Variants in C1orf87 observed in about 807,000 individuals in gnomAD.
The protein encoded by C1orf87 is chromosome 1 open reading frame 87.
Under a neutral mutation model 60.5 loss-of-function variants are expected in C1orf87, and 58 were observed. That is an observed-to-expected ratio of 0.96 (90% CI 0.78 to 1.19). The LOEUF (loss-of-function observed/expected upper bound fraction) is 1.19, where lower values mean the gene tolerates loss of function less well. C1orf87 is among the 50% of genes most tolerant of loss of function. The pLI, the probability that C1orf87 is intolerant of heterozygous loss-of-function variation, is 0.00. For missense variants in C1orf87, 673 were observed against 638.6 expected, an observed-to-expected ratio of 1.05 and a Z score of -0.58; for synonymous variants, 236 against 227.4, an observed-to-expected ratio of 1.04 and a Z score of -0.34.
intron 9 of C1orf87, among the ~76,000 whole-genome samples, chr1:60,008,001 T>G (rs1645058137): frequency 6.6e-6 from 1 of 151,884 alleles, no homozygotes; most frequent in East Asian, 1.9e-4. Flanking sequence ...CCTGTGGAGC[T>G]AAAGAATAGA....
chr1:59,993,286 G>C (rs12086504), intron 11 of C1orf87, among the ~76,000 whole-genome samples: 2 of 151,450 alleles, frequency 1.3e-5, no homozygotes, highest in African/African-American at 4.9e-5. Context: ...GAAAGAAAGA[G>C]GGAAAGAAGG....
intron 9 of C1orf87, among the ~76,000 whole-genome samples, chr1:60,005,009 T>G (rs1256399775): frequency 2.0e-5 from 3 of 152,028 alleles, no homozygotes; most frequent in African/African-American, 7.2e-5. Context: ...AACTCAGTAC[T>G]TTTTAAAAAA....
intron 3 of C1orf87, among the ~76,000 whole-genome samples, chr1:60,054,275 C>G (rs1199748038): frequency 6.6e-6 from 1 of 152,154 alleles, no homozygotes; most frequent in African/African-American, 2.4e-5. Context: ...TTCAACTAGA[C>G]CTTGCAGAGT....
chr1:60,051,690 G>C (rs1381405746), intron 3 of C1orf87, among the ~76,000 whole-genome samples: 3 of 152,198 alleles, frequency 2.0e-5, no homozygotes, highest in African/African-American at 7.2e-5. Flanking sequence ...AATACAGAGA[G>C]AGAGCTTTAA....
intron 9 of C1orf87, among the ~76,000 whole-genome samples, chr1:60,005,280 C>A (rs1254247798): frequency 6.6e-6 from 1 of 152,042 alleles, no homozygotes; most frequent in Admixed American, 6.6e-5. Context: ...AGGGTTACGT[C>A]TGTGGCTTGA....
chr1:59,993,357 A>C (rs554763688), intron 11 of C1orf87, among the ~76,000 whole-genome samples: 2 of 152,314 alleles, frequency 1.3e-5, no homozygotes, highest in Admixed American at 1.3e-4. Flanking sequence ...TTCACACAGT[A>C]TCCAGTACTA....
intron 8 of C1orf87, among the ~76,000 whole-genome samples, chr1:60,012,448 T>C (rs1645093190): frequency 1.3e-5 from 2 of 152,138 alleles, no homozygotes; most frequent in South Asian, 4.1e-4. Context: ...AGGACTTACA[T>C]GACCAATACA....
intron 8 of C1orf87, among the ~76,000 whole-genome samples, chr1:60,011,982 G>C (rs1298107769): frequency 6.6e-6 from 1 of 151,934 alleles, no homozygotes; most frequent in Non-Finnish European, 1.5e-5. Context: ...GGTCTAGGCA[G>C]GTAAGAGAAA....
At chr1:60,072,281 C>T (rs763295290) in intron 2 of C1orf87, among the ~76,000 whole-genome samples, 10 of 152,180 alleles carry the variant, frequency 6.6e-5, no homozygotes, top group Middle Eastern at 3.4e-3. Context: ...TTATAAATGT[C>T]GCAATGCTCA....
chr1:59,990,863 T>C (rs1293758796), intron 11 of C1orf87, 30 bp from the exon 12 acceptor site: 1 of 1,607,364 alleles, frequency 6.2e-7, no homozygotes, highest in African/African-American at 1.3e-5. Flanking sequence ...GAGGAAGGTT[T>C]TTTAAAGAGG....
At chr1:60,071,750 T>C (rs1177121538) in intron 2 of C1orf87, among the ~76,000 whole-genome samples, 1 of 152,210 alleles carries the variant, frequency 6.6e-6, no homozygotes, top group African/African-American at 2.4e-5. Context: ...TTAGCAAAAA[T>C]TTCTTCTTGC....
chr1:60,032,455 T>TTTTA, intron 7 of C1orf87, among the ~76,000 whole-genome samples: 2 of 148,512 alleles, frequency 1.3e-5, no homozygotes, highest in African/African-American at 2.5e-5. Context: ...TTTTTTTTTT[T>TTTTA]GAGACTGAGT....
intron 2 of C1orf87, among the ~76,000 whole-genome samples, chr1:60,068,027 GGTTGTA>G (rs1553130292): frequency 2.0e-5 from 3 of 152,078 alleles, no homozygotes; most frequent in Non-Finnish European, 4.4e-5. Flanking sequence ...AAGATTGGAT[GGTTGTA>G]GATGTGTGGT....
chr1:60,029,374 T>C (rs987009732), intron 7 of C1orf87, among the ~76,000 whole-genome samples: 1 of 152,196 alleles, frequency 6.6e-6, no homozygotes, highest in Non-Finnish European at 1.5e-5. Flanking sequence ...ATTCTCCAAA[T>C]TCGATTGGAA....
At chr1:59,992,630 C>T (rs756523205) in intron 11 of C1orf87, among the ~76,000 whole-genome samples, 1 of 152,114 alleles carries the variant, frequency 6.6e-6, no homozygotes, top group Non-Finnish European at 1.5e-5. Flanking sequence ...AGAGGCAGTG[C>T]CTTGTCATTT....
intron 9 of C1orf87, among the ~76,000 whole-genome samples, chr1:60,005,770 C>CGTGTGTGTGT (rs139222813): frequency 2.1e-3 from 299 of 144,008 alleles, no homozygotes; most frequent in African/African-American, 7.4e-3. Flanking sequence ...GAAGCTGATT[C>CGTGTGTGTGT]GTGTGTGTGT....
At chr1:60,050,394 C>A (rs1162547328) in intron 3 of C1orf87, among the ~76,000 whole-genome samples, 1 of 151,662 alleles carries the variant, frequency 6.6e-6, no homozygotes, top group Non-Finnish European at 1.5e-5. Flanking sequence ...TAATTTACTT[C>A]TACATTTATT....
chr1:60,050,130 G>A (rs555535102), intron 3 of C1orf87, among the ~76,000 whole-genome samples: 11 of 151,820 alleles, frequency 7.2e-5, no homozygotes, highest in Non-Finnish European at 1.3e-4. Context: ...TAATCAATTT[G>A]GCTAGTTGTA....
chr1:60,023,305 T>G (rs866996514), intron 8 of C1orf87, among the ~76,000 whole-genome samples: 3 of 152,128 alleles, frequency 2.0e-5, no homozygotes, highest in Admixed American at 2.0e-4. Context: ...CCTCTCTTCC[T>G]TTTCTGAGAT....
Sources: allele counts gnomAD v4.1 joint callset (sites outside exome capture counted in the v4.1 genomes callset), GRCh38; gene constraint gnomAD v4.1.1; transcripts MANE v1.5; gene names NCBI Gene and HGNC (gene_info 2026-07-23, HGNC 2026-07-21).